R3HDM1: variants seen among roughly 807,000 people sequenced by gnomAD.
The protein encoded by R3HDM1 is R3H domain containing 1.
R3HDM1 carries 46 observed loss-of-function variants against 141.1 expected under a neutral mutation model. That is an observed-to-expected ratio of 0.33 (90% CI 0.26 to 0.42). The LOEUF is 0.42. Ranked by LOEUF, R3HDM1 falls within the 10% of genes least tolerant of loss-of-function variation. R3HDM1 has a pLI of 1.00. For synonymous variants in R3HDM1, 435 were observed against 472.9 expected, an observed-to-expected ratio of 0.92 and a Z score of 1.04; for missense variants, 1,184 against 1,368.3, an observed-to-expected ratio of 0.87 and a Z score of 2.12.
intron 1 of R3HDM1, among the ~76,000 whole-genome samples, chr2:135,548,577 C>T (rs185570742): frequency 9.9e-5 from 15 of 151,378 alleles, no homozygotes; most frequent in East Asian, 7.9e-4. Context: ...TCCCAGTCAT[C>T]GCCCCCCCAC....
intron 1 of R3HDM1, among the ~76,000 whole-genome samples, chr2:135,592,919 G>A (rs979571458): frequency 1.1e-4 from 17 of 151,616 alleles, no homozygotes; most frequent in Admixed American, 9.9e-4. Flanking sequence ...CCTCCGTGTA[G>A]TCTTTTTTTT....
chr2:135,696,557 TC>T (rs2073275308), intron 21 of R3HDM1, among the ~76,000 whole-genome samples: 1 of 152,206 alleles, frequency 6.6e-6, no homozygotes, highest in African/African-American at 2.4e-5. Context: ...AGTGGTGTGA[TC>T]CTGACTCACT....
intron 1 of R3HDM1, chr2:135,565,629 C>T (rs1415090497): frequency 1.3e-5 from 2 of 151,820 alleles, no homozygotes; most frequent in African/African-American, 2.4e-5. Flanking sequence ...TTCTTCTTTA[C>T]TTGCAAAATT....
At chr2:135,700,685 C>A (rs2074071873) in intron 21 of R3HDM1, among the ~76,000 whole-genome samples, 1 of 152,102 alleles carries the variant, frequency 6.6e-6, no homozygotes, top group African/African-American at 2.4e-5. Context: ...TACACTTGTT[C>A]CTATTCTCCC....
chr2:135,626,205 G>GCTTGCTTGCT (rs2062014749), intron 7 of R3HDM1, among the ~76,000 whole-genome samples: 1 of 116,138 alleles, frequency 8.6e-6, no homozygotes, highest in South Asian at 3.7e-4. Context: ...GCGTGCGTGC[G>GCTTGCTTGCT]TGCGTGCTTG....
At chr2:135,662,586 T>C (rs2066871246) in intron 19 of R3HDM1, among the ~76,000 whole-genome samples, 2 of 152,188 alleles carry the variant, frequency 1.3e-5, no homozygotes, top group African/African-American at 2.4e-5. Flanking sequence ...CCAAAGAACA[T>C]TGAATACAAA....
At chr2:135,563,419 T>C (rs1380242324) in intron 1 of R3HDM1, among the ~76,000 whole-genome samples, 1 of 152,246 alleles carries the variant, frequency 6.6e-6, no homozygotes, top group Non-Finnish European at 1.5e-5. Context: ...CCAGATTTGA[T>C]CCACTGTCAA....
At chr2:135,653,998 T>A (rs964863388) in intron 18 of R3HDM1, among the ~76,000 whole-genome samples, 1 of 152,190 alleles carries the variant, frequency 6.6e-6, no homozygotes, top group Non-Finnish European at 1.5e-5. Context: ...ATTTAACCAT[T>A]TTTATGTGAA....
At chr2:135,709,623 C>G (rs891385351) in intron 22 of R3HDM1, 87 bp downstream of exon 22, 19 of 1,499,356 alleles carry the variant, frequency 1.3e-5, no homozygotes, top group Non-Finnish European at 1.6e-5. Context: ...CAAAAAGCTT[C>G]TCAATTTGTG....
At chr2:135,578,014 C>T (rs1370095173) in intron 1 of R3HDM1, among the ~76,000 whole-genome samples, 1 of 152,124 alleles carries the variant, frequency 6.6e-6, no homozygotes, top group Non-Finnish European at 1.5e-5. Context: ...AATAAATTGA[C>T]ATATGCACTT....
intron 18 of R3HDM1, among the ~76,000 whole-genome samples, chr2:135,660,239 G>A (rs181746391): frequency 7.2e-5 from 11 of 152,206 alleles, no homozygotes; most frequent in African/African-American, 2.4e-4. Flanking sequence ...AGAAGTTTCA[G>A]TTTTTTGGTT....
At chr2:135,587,479 T>C (rs1708198468) in intron 1 of R3HDM1, among the ~76,000 whole-genome samples, 1 of 152,206 alleles carries the variant, frequency 6.6e-6, no homozygotes, top group African/African-American at 2.4e-5. Flanking sequence ...CTGAATGTCA[T>C]TGCTCTTTCT....
At chr2:135,586,085 G>T (rs1406547557) in intron 1 of R3HDM1, among the ~76,000 whole-genome samples, 1 of 152,176 alleles carries the variant, frequency 6.6e-6, no homozygotes, top group Non-Finnish European at 1.5e-5. Flanking sequence ...AAATATGGTT[G>T]TCTCAACTTT....
At chr2:135,722,382 AG>A in intron 25 of R3HDM1, 86 bp from the exon 26 acceptor site, 1 of 1,378,964 alleles carries the variant, frequency 7.3e-7, no homozygotes, top group Middle Eastern at 1.8e-4. Context: ...CCCAAACTAA[AG>A]GTGTTTTGGT....
chr2:135,653,928 CT>C (rs2065456289), intron 18 of R3HDM1, among the ~76,000 whole-genome samples: 1 of 152,094 alleles, frequency 6.6e-6, no homozygotes, highest in African/African-American at 2.4e-5. Context: ...GTTCAGGGTT[CT>C]TTTGTGGGGC....
chr2:135,574,238 C>T (rs1704844673), intron 1 of R3HDM1, among the ~76,000 whole-genome samples: 1 of 152,154 alleles, frequency 6.6e-6, no homozygotes, highest in African/African-American at 2.4e-5. Context: ...TAGCAGACCT[C>T]ACTGCAGTTA....
chr2:135,576,729 TAAGTG>T (rs1307747290), intron 1 of R3HDM1, among the ~76,000 whole-genome samples: 1 of 152,156 alleles, frequency 6.6e-6, no homozygotes, highest in African/African-American at 2.4e-5. Flanking sequence ...AACATTATAC[TAAGTG>T]AAATAAAGCA....
intron 19 of R3HDM1, among the ~76,000 whole-genome samples, chr2:135,664,681 A>G (rs1050385435): frequency 1.1e-4 from 16 of 152,238 alleles, no homozygotes; most frequent in Non-Finnish European, 1.8e-4. Context: ...ATCAGGACTA[A>G]CATTACTGCT....
chr2:135,721,779 G>A (rs1460920675), intron 24 of R3HDM1, 145 bp from the exon 25 acceptor site: 1 of 529,130 alleles, frequency 1.9e-6, no homozygotes, highest in Non-Finnish European at 3.5e-6. Context: ...TTAGAGATGG[G>A]GTTTCACCAT....
Sources: allele counts gnomAD v4.1 joint callset (sites outside exome capture counted in the v4.1 genomes callset), GRCh38; gene constraint gnomAD v4.1.1; transcripts MANE v1.5; gene names NCBI Gene and HGNC (gene_info 2026-07-23, HGNC 2026-07-21).